CACNA1C: variants seen among roughly 807,000 people sequenced by gnomAD.
The protein encoded by CACNA1C is voltage-dependent L-type calcium channel subunit alpha-1C.
CACNA1C carries 30 observed loss-of-function variants against 229.0 expected under a neutral mutation model. The ratio of observed to expected loss-of-function variants is 0.13; its 90% CI spans 0.10 to 0.18. CACNA1C has a LOEUF of 0.18. Among genes scored for constraint, CACNA1C ranks in the 10% least tolerant of loss-of-function variants. The pLI is 1.00. For missense variants in CACNA1C, 1,658 were observed against 2,845.0 expected, an observed-to-expected ratio of 0.58 and a Z score of 9.49; for synonymous variants, 1,114 against 1,132.5, an observed-to-expected ratio of 0.98 and a Z score of 0.33.
At chr12:2,189,378 C>T (rs554599522) in intron 3 of CACNA1C, among the ~76,000 whole-genome samples, 7 of 152,236 alleles carry the variant, frequency 4.6e-5, no homozygotes, top group South Asian at 4.1e-4. Flanking sequence ...AGAACTGACT[C>T]GGGATAAGAG....
At chr12:2,688,164 G>A (rs978275782) in intron 45 of CACNA1C, among the ~76,000 whole-genome samples, 1 of 152,196 alleles carries the variant, frequency 6.6e-6, no homozygotes. Context: ...ACCAGGCCAG[G>A]GCTAAAAGCA....
At chr12:2,289,203 A>G (rs764632962) in intron 3 of CACNA1C, among the ~76,000 whole-genome samples, 1 of 152,182 alleles carries the variant, frequency 6.6e-6, no homozygotes, top group African/African-American at 2.4e-5. Flanking sequence ...GAGGGAGGGT[A>G]TGAGAGTCGA....
intron 24 of CACNA1C, among the ~76,000 whole-genome samples, chr12:2,606,115 C>A (rs2075216544): frequency 6.6e-6 from 1 of 152,176 alleles, no homozygotes; most frequent in African/African-American, 2.4e-5. Flanking sequence ...CAGCGGTGAC[C>A]TATTATCAAC....
intron 1 of CACNA1C, among the ~76,000 whole-genome samples, chr12:2,080,381 C>T (rs1160408165): frequency 6.6e-6 from 1 of 152,050 alleles, no homozygotes; most frequent in Admixed American, 6.5e-5. Context: ...GCGGGTGGAT[C>T]ACGAGGTCAG....
chr12:2,597,211 G>A lies in CACNA1C; in HGVS notation c.2794-19G>A. 1 of 1,569,110 alleles carries A rather than the reference G, an allele frequency of 6.4e-7. No homozygotes were observed. Among genetic ancestry groups the A allele is most frequent in the Non-Finnish European group, 8.8e-7 (1 of 1,139,644 alleles). On this transcript the variant is annotated intron_variant, in intron 20 of 46. Coordinates refer to ENST00000399655, the MANE Select transcript of CACNA1C (RefSeq NM_000719.7). This position sits in a 1 kb window ranked among gnomAD's most constrained non-coding sequence, Gnocchi z 4.3. ...CCCTTCCCCATCCCATCCCCACCCT[G>A]TTCCTTTTTGTTTTGCAGATTCTGT...
At chr12:2,058,468 T>C (rs765766642) in intron 1 of CACNA1C, among the ~76,000 whole-genome samples, 2 of 152,214 alleles carry the variant, frequency 1.3e-5, no homozygotes, top group Non-Finnish European at 2.9e-5. Flanking sequence ...TGTTTCTAGA[T>C]TCCATCCTCA....
intron 3 of CACNA1C, among the ~76,000 whole-genome samples, chr12:2,331,877 TAG>T (rs2096559472): frequency 2.6e-5 from 4 of 152,138 alleles, no homozygotes; most frequent in Admixed American, 2.6e-4. Context: ...AGAACTGTTT[TAG>T]ATTAAAGGAA....
chr12:2,413,492 A>T (rs2098831316), intron 3 of CACNA1C, among the ~76,000 whole-genome samples: 1 of 152,160 alleles, frequency 6.6e-6, no homozygotes, highest in Non-Finnish European at 1.5e-5. Context: ...CTGAGATGGA[A>T]ATGTTAATTT....
intron 3 of CACNA1C, among the ~76,000 whole-genome samples, chr12:2,300,732 G>T (rs1053896211): frequency 6.6e-6 from 1 of 152,210 alleles, no homozygotes; most frequent in Non-Finnish European, 1.5e-5. Flanking sequence ...GGAGCAGGAC[G>T]AGAGGATGTG....
intron 4 of CACNA1C, among the ~76,000 whole-genome samples, chr12:2,451,233 C>G (rs1289807278): frequency 6.6e-6 from 1 of 152,200 alleles, no homozygotes; most frequent in Admixed American, 6.5e-5. Context: ...TAAACGCATG[C>G]CTTGAATGAC....
intron 7 of CACNA1C, among the ~76,000 whole-genome samples, chr12:2,500,067 A>G (rs1001928972): frequency 1.3e-5 from 2 of 152,156 alleles, no homozygotes; most frequent in African/African-American, 4.8e-5. Context: ...AGCATTGCTC[A>G]CCCAGGCAGT....
At chr12:2,189,278 T>C (rs2097142045) in intron 3 of CACNA1C, among the ~76,000 whole-genome samples, 1 of 152,082 alleles carries the variant, frequency 6.6e-6, no homozygotes, top group Admixed American at 6.5e-5. Flanking sequence ...TAAGAGAGCC[T>C]TGTGCTAGAT....
intron 18 of CACNA1C, among the ~76,000 whole-genome samples, chr12:2,590,818 T>C (rs149329769): frequency 7.2e-5 from 11 of 152,306 alleles, no homozygotes; most frequent in African/African-American, 2.6e-4. Flanking sequence ...GTTATCAAAT[T>C]ATCATGAAGA....
At chr12:2,312,215 T>C (rs200859863) in intron 3 of CACNA1C, among the ~76,000 whole-genome samples, 2 of 152,196 alleles carry the variant, frequency 1.3e-5, no homozygotes, top group African/African-American at 2.4e-5. Context: ...AATGCTGATA[T>C]GTGGTTGCCT....
intron 1 of CACNA1C, among the ~76,000 whole-genome samples, chr12:2,020,849 G>A (rs1441742847): frequency 1.3e-5 from 2 of 152,114 alleles, no homozygotes; most frequent in Non-Finnish European, 2.9e-5. Context: ...AATGCCCTTG[G>A]CCATGAAGAA....
Position 2,488,756 on chromosome 12 carries a change from G to A in CACNA1C, c.916+2494G>A, listed in dbSNP as rs1350010368. Among the ~76,000 whole-genome samples, 1 of 152,198 alleles carries A rather than the reference G, an allele frequency of 6.6e-6. No individual in the cohort carries two copies. Among genetic ancestry groups the A allele is most frequent in the Non-Finnish European group, 1.5e-5 (1 of 68,028 alleles). On this transcript the variant is annotated intron_variant, in intron 6 of 46. Coordinates refer to ENST00000399655, the MANE Select transcript of CACNA1C (RefSeq NM_000719.7). The surrounding 1 kb of genome is among the most constrained non-coding windows in gnomAD (Gnocchi z 4.0). ...GAGAAGGTGGCCTCACTCATTCGCT[G>A]GAGTCAGAGTCCCTGCTGGGAAGAG...
rs996768974 is a variant in CACNA1C at position 2,651,552 on chromosome 12, C to G, written c.3946-88C>G. 1 of 1,606,814 alleles carries G rather than the reference C, an allele frequency of 6.2e-7. No homozygotes were observed. Among genetic ancestry groups the G allele is most frequent in the African/African-American group, 1.3e-5 (1 of 74,766 alleles). On this transcript the variant is annotated intron_variant, in intron 31 of 46. Transcript: ENST00000399655. This position sits in a 1 kb window ranked among gnomAD's most constrained non-coding sequence, Gnocchi z 5.4. ...CCTGGCCTGCCTTCCGCCACTGCCACTGAGGTCTGTATTTCTCGGAGGGGC... is the reference window on the plus strand; with the variant it reads ...CCTGGCCTGCCTTCCGCCACTGCCAGTGAGGTCTGTATTTCTCGGAGGGGC...
chr12:2,363,932 C>T (rs1394081782), intron 3 of CACNA1C, among the ~76,000 whole-genome samples: 1 of 152,242 alleles, frequency 6.6e-6, no homozygotes, highest in African/African-American at 2.4e-5. Context: ...TCCAAACTTA[C>T]TGGCCGGCCT....
At chr12:2,505,724 C>T (rs993307864) in intron 8 of CACNA1C, among the ~76,000 whole-genome samples, 6 of 152,154 alleles carry the variant, frequency 3.9e-5, no homozygotes, top group East Asian at 1.9e-4. Context: ...ACCATGGAAA[C>T]GCATAGGATA....
Sources: allele counts gnomAD v4.1 joint callset (sites outside exome capture counted in the v4.1 genomes callset), GRCh38; gene constraint gnomAD v4.1.1; non-coding constraint Gnocchi (gnomAD v3.1); transcripts MANE v1.5; gene names NCBI Gene and HGNC (gene_info 2026-07-23, HGNC 2026-07-21).